The following CCDC88C variants were observed in gnomAD, a reference collection of about 807,000 sequenced individuals.
The protein encoded by CCDC88C is protein Daple.
CCDC88C carries 131 observed loss-of-function variants against 198.8 expected under a neutral mutation model. The ratio of observed to expected loss-of-function variants is 0.66; its 90% confidence interval spans 0.57 to 0.76. The LOEUF (loss-of-function observed/expected upper bound fraction) is 0.76. CCDC88C is among the 30% of genes least tolerant of loss of function. The pLI, the probability that CCDC88C is intolerant of heterozygous loss-of-function variation, is 0.00. For missense variants in CCDC88C, 2,553 were observed against 2,631.6 expected, an observed-to-expected ratio of 0.97 and a Z score of 0.65; for synonymous variants, 1,166 against 1,114.7, an observed-to-expected ratio of 1.05 and a Z score of -0.92.
chr14:91,352,830 G>A lies in CCDC88C; in HGVS notation c.340+6812C>T, dbSNP rs1893876574. Among the ~76,000 whole-genome samples the A allele has an allele frequency of 6.6e-6, 1 of 152,218 alleles. No individual in the cohort carries two copies. The highest frequency in any genetic ancestry group is 2.1e-4 in the South Asian group (1 of 4,830). ...AGGGGCAGGACTGGGAGGGCCGCAG[G>A]GCCAGGAAGACAGGGCTTTTGATTT... On this transcript the variant is annotated intron_variant, in intron 4 of 29. Transcript: ENST00000389857. This position sits in a 1 kb window ranked among gnomAD's most constrained non-coding sequence, Gnocchi z 4.2.
intron 10 of CCDC88C, among the ~76,000 whole-genome samples, chr14:91,334,717 C>T (rs879552927): frequency 6.6e-5 from 10 of 152,300 alleles, no homozygotes; most frequent in South Asian, 2.1e-4. Context: ...ACGGGCCCAT[C>T]GAAGTCACCT....
chr14:91,369,341 G>A (rs1223377180), intron 3 of CCDC88C, among the ~76,000 whole-genome samples: 4 of 152,200 alleles, frequency 2.6e-5, no homozygotes, highest in Admixed American at 1.3e-4. Flanking sequence ...GAAGTAGCTG[G>A]GATTACAGGC....
chr14:91,290,945 A>G (rs769824956), intron 24 of CCDC88C, 50 bp downstream of exon 24: 4 of 1,161,308 alleles, frequency 3.4e-6, no homozygotes, highest in South Asian at 1.3e-5. Flanking sequence ...TGCACAGAAA[A>G]GGAAGCTTTT....
chr14:91,417,595 G>T (rs1486369109), intron 1 of CCDC88C, 36 bp downstream of exon 1: 2 of 1,564,334 alleles, frequency 1.3e-6, no homozygotes, highest in Non-Finnish European at 1.7e-6. Flanking sequence ...AGAAGCCGGT[G>T]CACCAACAAA....
At chr14:91,294,847 C>CGGG (rs1215177127) in intron 22 of CCDC88C, among the ~76,000 whole-genome samples, 1 of 152,078 alleles carries the variant, frequency 6.6e-6, no homozygotes, top group Non-Finnish European at 1.5e-5. Flanking sequence ...TTAGTAGAGA[C>CGGG]GGGGTTTCAT....
intron 3 of CCDC88C, among the ~76,000 whole-genome samples, chr14:91,383,308 C>T (rs1320124680): frequency 6.6e-6 from 1 of 152,334 alleles, no homozygotes; most frequent in East Asian, 1.9e-4. Context: ...CCCAGGCTGG[C>T]CATGCTGCCG....
chr14:91,324,194 C>G (rs11626259), intron 12 of CCDC88C, among the ~76,000 whole-genome samples: 13,190 of 152,258 alleles, frequency 0.087, 804 homozygotes, highest in African/African-American at 0.17. Context: ...TTCCCATGAC[C>G]GACACCTCCT....
chr14:91,339,424 C>T lies in CCDC88C; in HGVS notation c.663G>A (p.Gln221=), dbSNP rs766343611. The T allele has an allele frequency of 2.5e-6, 4 of 1,610,510 alleles. No homozygotes were observed. Among genetic ancestry groups the T allele is most frequent in the Admixed American group, 1.7e-5 (1 of 59,920 alleles). Residue 221 remains glutamine, a synonymous_variant, in exon 8 of 30, where the codon CAG becomes CAA. Transcript: ENST00000389857. This position sits in a 1 kb window ranked among gnomAD's most constrained non-coding sequence, Gnocchi z 5.8. ...VDLTQERDYL[Q]AQHPPSPIKS... ...TGATGGGGCTGGGTGGATGCTGTGC[C>T]TGCAGGTAGTCCCGTTCCTGAGTGA...
intron 3 of CCDC88C, among the ~76,000 whole-genome samples, chr14:91,380,645 A>G (rs1244478540): frequency 1.3e-5 from 2 of 152,074 alleles, no homozygotes; most frequent in Non-Finnish European, 2.9e-5. Context: ...TCTAAAGAAT[A>G]TTGGCGTTTT....
chr14:91,342,268 C>T (rs1407356239), intron 6 of CCDC88C, 112 bp downstream of exon 6: 15 of 630,744 alleles, frequency 2.4e-5, no homozygotes, highest in Admixed American at 7.2e-5. Flanking sequence ...TTAGCAAAAT[C>T]GTAATGGGTG....
At chr14:91,311,710 C>A (rs1055246335) in intron 15 of CCDC88C, among the ~76,000 whole-genome samples, 3 of 152,230 alleles carry the variant, frequency 2.0e-5, no homozygotes, top group Non-Finnish European at 4.4e-5. Flanking sequence ...TCTACTCACC[C>A]CAGCATACTA....
In CCDC88C at chr14:91,279,262, T is replaced by C; in HGVS notation, c.4744A>G (p.Asn1582Asp). The part of the protein sequence containing the change: ...SLESSRNTSS[N>D]SSPLNLKGSS... Reference sequence around the variant, plus strand: ...CCTTTTAGGTTAAGAGGTGAGCTGTTGCTGGATGTGTTTCTACTGCTCTCT... The same window carrying C: ...CCTTTTAGGTTAAGAGGTGAGCTGTCGCTGGATGTGTTTCTACTGCTCTCT... The change falls in exon 28 of 30, where the codon AAC (asparagine) becomes GAC (aspartate). Residue 1582 changes from asparagine to aspartate, a missense_variant. Around this residue, in one of 2 missense-constraint regions of CCDC88C, gnomAD observed 1,293 missense variants for 1,219.6 expected, o/e 1.06. Transcript: ENST00000389857. The C allele has an allele frequency of 6.2e-7, 1 of 1,602,008 alleles. No homozygotes were observed. Among genetic ancestry groups the C allele is most frequent in the Non-Finnish European group, 8.5e-7 (1 of 1,173,354 alleles).
Position 91,313,726 on chromosome 14 carries a change from C to G in CCDC88C, c.2090G>C (p.Arg697Pro), listed in dbSNP as rs762660225. The G allele has an allele frequency of 8.1e-6, 13 of 1,609,988 alleles. No homozygotes were observed. The highest frequency in any genetic ancestry group is 1.7e-5 in the Admixed American group (1 of 60,014). Reference sequence around the variant, plus strand: ...CTCTGCGTCCAGCTGCTTGTTGTCACGCTCCAGGCCCTCAAGCTGCAGGGA... The same window carrying G: ...CTCTGCGTCCAGCTGCTTGTTGTCAGGCTCCAGGCCCTCAAGCTGCAGGGA... ...NVSLQLEGLE[R>P]DNKQLDAENL... The change falls in exon 15 of 30, where the codon CGT becomes CCT. Residue 697 changes from arginine (R) to proline (P), a missense_variant. Physicochemically the swap from Arg to Pro is moderately radical, Grantham distance 103. Around this residue, in one of 2 missense-constraint regions of CCDC88C, gnomAD observed 1,260 missense variants for 1,412.0 expected, o/e 0.89. Transcript: ENST00000389857. This position sits in a 1 kb window ranked among gnomAD's most constrained non-coding sequence, Gnocchi z 5.2.
intron 13 of CCDC88C, among the ~76,000 whole-genome samples, chr14:91,320,039 A>G (rs143151906): frequency 0.018 from 2,754 of 150,680 alleles, 61 homozygotes; most frequent in South Asian, 0.063. Context: ...AAAAAAAAAA[A>G]AAAAAAAAAA....
rs1487952540 is a variant in CCDC88C, at chr14:91,271,775, A to T, written c.*850T>A. 1 of 152,604 alleles carries T rather than the reference A, an allele frequency of 6.6e-6. No homozygotes were observed. Among genetic ancestry groups the T allele is most frequent in the Non-Finnish European group, 1.5e-5 (1 of 68,054 alleles). 9.5% of individuals were successfully genotyped at this position (152,604 alleles called of 1,614,324 possible). ...GTCGGGTGCCGCAGCCAGGTTACACATCGAGCTTGCACCTCGCTCTGTGCG... is the reference window on the plus strand; with the variant it reads ...GTCGGGTGCCGCAGCCAGGTTACACTTCGAGCTTGCACCTCGCTCTGTGCG... On this transcript the variant is annotated 3_prime_UTR_variant, in exon 30 of 30. Coordinates refer to ENST00000389857, the MANE Select transcript of CCDC88C (RefSeq NM_001080414.4).
chr14:91,339,167 G>T lies in CCDC88C; in HGVS notation c.809+111C>A. ...CTCAGGGCAGACCCCAGCTGACTCC[G>T]GGGCACACGTCAGAGCTGTGCCATT... On this transcript the variant is annotated intron_variant, in intron 8 of 29. Transcript: ENST00000389857. This position sits in a 1 kb window ranked among gnomAD's most constrained non-coding sequence, Gnocchi z 5.8. 1 of 1,323,828 alleles carries T rather than the reference G, an allele frequency of 7.6e-7. No individual in the cohort carries two copies. The allele number at this position is 1,323,828 out of a possible 1,614,324, so 82.0% of individuals were successfully genotyped here.
intron 3 of CCDC88C, among the ~76,000 whole-genome samples, chr14:91,387,502 T>C (rs1885216981): frequency 6.6e-6 from 1 of 152,174 alleles, no homozygotes; most frequent in Admixed American, 6.5e-5. Flanking sequence ...TTGCCGCCTA[T>C]AAGAGCTCTC....
intron 25 of CCDC88C, chr14:91,285,669 A>G: frequency 1.6e-6 from 2 of 1,288,316 alleles, no homozygotes; most frequent in Non-Finnish European, 2.0e-6. Context: ...AAGGAAAGGG[A>G]TTAGAAATCT....
At chr14:91,336,573 G>GCCAGAGATTCGTGCCTCTCATAAC (rs1893053911) in intron 10 of CCDC88C, among the ~76,000 whole-genome samples, 1 of 151,984 alleles carries the variant, frequency 6.6e-6, no homozygotes. Context: ...ACCCATCTGT[G>GCCAGAGATTCGTGCCTCTCATAAC]CCAGAGATTC....
Sources: allele counts gnomAD v4.1 joint callset (sites outside exome capture counted in the v4.1 genomes callset), GRCh38; gene constraint gnomAD v4.1.1; regional missense constraint gnomAD v4.1.1; non-coding constraint Gnocchi (gnomAD v3.1); transcripts MANE v1.5; gene names NCBI Gene and HGNC (gene_info 2026-07-23, HGNC 2026-07-21).